KCND3: variants seen among roughly 807,000 people sequenced by gnomAD.
The protein encoded by KCND3 is potassium voltage-gated channel subfamily D member 3.
A neutral mutation model predicts 51.1 loss-of-function variants in KCND3; 9 were observed. That is an observed-to-expected ratio of 0.18 (90% CI 0.11 to 0.31). KCND3 has a LOEUF of 0.31. KCND3 is among the 10% of genes least tolerant of loss of function. KCND3 has a pLI of 1.00. For synonymous variants in KCND3, 349 were observed against 368.0 expected (o/e 0.95, Z 0.59); for missense variants, 526 against 903.8 (o/e 0.58, Z 5.36).
At chr1:111,975,320 T>C (rs1270316489) in intron 2 of KCND3, among the ~76,000 whole-genome samples, 1 of 152,182 alleles carries the variant, frequency 6.6e-6, no homozygotes, top group Non-Finnish European at 1.5e-5. Context: ...TTGAGGTTTC[T>C]TCTTGTGAAA....
At chr1:111,864,435 ACT>A (rs1320358583) in intron 2 of KCND3, among the ~76,000 whole-genome samples, 1 of 151,864 alleles carries the variant, frequency 6.6e-6, no homozygotes, top group Non-Finnish European at 1.5e-5. Flanking sequence ...TTTCTCGCTC[ACT>A]CTCTCTTTTT....
At chr1:111,838,790 A>C (rs1478459668) in intron 2 of KCND3, among the ~76,000 whole-genome samples, 1 of 151,856 alleles carries the variant, frequency 6.6e-6, no homozygotes, top group East Asian at 1.9e-4. Flanking sequence ...GACACTTGGG[A>C]AAAAGGGCTG....
intron 2 of KCND3, among the ~76,000 whole-genome samples, chr1:111,934,604 G>A (rs1483839149): frequency 6.6e-6 from 1 of 152,212 alleles, no homozygotes. Flanking sequence ...AGAAAAAGGA[G>A]TGTAAATCTG....
intron 2 of KCND3, among the ~76,000 whole-genome samples, chr1:111,792,870 C>A (rs984683177): frequency 6.7e-6 from 1 of 148,982 alleles, no homozygotes; most frequent in African/African-American, 2.4e-5. Context: ...CTCACTTCTA[C>A]TTTTGTTCCC....
At chr1:111,827,132 G>A (rs1666614204) in intron 2 of KCND3, among the ~76,000 whole-genome samples, 1 of 152,198 alleles carries the variant, frequency 6.6e-6, no homozygotes, top group Non-Finnish European at 1.5e-5. Flanking sequence ...CCAGTTTTTG[G>A]ATGGGAAAAC....
At chr1:111,987,528 G>A (rs74112412) in intron 1 of KCND3, among the ~76,000 whole-genome samples, 5 of 152,132 alleles carry the variant, frequency 3.3e-5, no homozygotes, top group Non-Finnish European at 5.9e-5. Flanking sequence ...GGTGAAAGGG[G>A]AGGACAAGTG....
intron 2 of KCND3, among the ~76,000 whole-genome samples, chr1:111,917,686 G>A (rs551807751): frequency 1.1e-4 from 16 of 152,240 alleles, no homozygotes; most frequent in Middle Eastern, 3.4e-3. Context: ...TTTAATGACC[G>A]TGGGAAGGGA....
intron 2 of KCND3, among the ~76,000 whole-genome samples, chr1:111,806,285 C>T (rs368795110): frequency 3.3e-5 from 5 of 152,350 alleles, no homozygotes; most frequent in Admixed American, 1.3e-4. Context: ...CCTGTTGATG[C>T]GGAAGCCCTG....
rs1664103970 is a variant in KCND3, at chr1:111,776,240, C to T, written c.1805G>A (p.Arg602Lys). ...SLNLKADDGLRPNCKTSQITT... is the reference protein window; with the variant it reads ...SLNLKADDGLKPNCKTSQITT... ...GATCTGGGATGTTTTGCAGTTTGGTCTCAGTCCGTCGTCTGCTTTCAAATT... is the reference window on the plus strand; with the variant it reads ...GATCTGGGATGTTTTGCAGTTTGGTTTCAGTCCGTCGTCTGCTTTCAAATT... The change falls in exon 8 of 8, where the codon AGA (arginine) becomes AAA (lysine). Residue 602 changes from arginine (R) to lysine (K), a missense_variant. By Grantham distance (26) the Arg-to-Lys change is conservative (BLOSUM62 2). Coordinates refer to ENST00000302127, the MANE Select transcript of KCND3 (RefSeq NM_001378969.1). The T allele has an allele frequency of 5.6e-6, 9 of 1,614,010 alleles. No homozygotes were observed. The highest frequency in any genetic ancestry group is 3.3e-5 in the South Asian group (3 of 91,092).
chr1:111,959,229 C>T (rs544973965), intron 2 of KCND3, among the ~76,000 whole-genome samples: 1 of 152,312 alleles, frequency 6.6e-6, no homozygotes, highest in Admixed American at 6.5e-5. Context: ...AGTGCTTTCC[C>T]ATGTTCACTC....
intron 2 of KCND3, among the ~76,000 whole-genome samples, chr1:111,904,006 G>T (rs1383818243): frequency 6.6e-6 from 1 of 152,128 alleles, no homozygotes; most frequent in African/African-American, 2.4e-5. Flanking sequence ...CAATTACCTG[G>T]TGAATTCAGG....
At chr1:111,826,427 A>T (rs1666573964) in intron 2 of KCND3, among the ~76,000 whole-genome samples, 1 of 152,112 alleles carries the variant, frequency 6.6e-6, no homozygotes, top group Non-Finnish European at 1.5e-5. Context: ...ATGGACCATA[A>T]AACCTTGACT....
chr1:111,935,365 G>A (rs1672168693), intron 2 of KCND3, among the ~76,000 whole-genome samples: 1 of 152,090 alleles, frequency 6.6e-6, no homozygotes, highest in Admixed American at 6.5e-5. Flanking sequence ...GATTATTTGT[G>A]CAACCACCTG....
chr1:111,906,611 C>A (rs542059039), intron 2 of KCND3, among the ~76,000 whole-genome samples: 5 of 152,302 alleles, frequency 3.3e-5, no homozygotes, highest in Admixed American at 1.3e-4. Flanking sequence ...CTAGGCTGGA[C>A]CTGGTTCTCT....
rs113735161 is a variant in KCND3 at position 111,790,661 on chromosome 1, C to T, written c.1107-3555G>A. On this transcript the variant is annotated intron_variant, in intron 2 of 7. Transcript: ENST00000302127. ...ATTTAGAGAGTTGCGCTCACATCACCGCAGTTTAATTTTAGAGCACTTCAT... is the reference window on the plus strand; with the variant it reads ...ATTTAGAGAGTTGCGCTCACATCACTGCAGTTTAATTTTAGAGCACTTCAT... Among the ~76,000 whole-genome samples, 964 of 152,232 alleles carry T rather than the reference C, an allele frequency of 6.3e-3. 12 individuals carry two copies. Among genetic ancestry groups the T allele is most frequent in the African/African-American group, 0.022 (923 of 41,528 alleles).
At chr1:111,875,826 C>G (rs972671548) in intron 2 of KCND3, among the ~76,000 whole-genome samples, 2 of 152,224 alleles carry the variant, frequency 1.3e-5, no homozygotes, top group African/African-American at 4.8e-5. Flanking sequence ...ACTTAGCAAC[C>G]ACCAGGATGG....
At chr1:111,897,897 A>G (rs2101781801) in intron 2 of KCND3, among the ~76,000 whole-genome samples, 1 of 152,336 alleles carries the variant, frequency 6.6e-6, no homozygotes, top group South Asian at 2.1e-4. Context: ...TTTATTTCCA[A>G]ATATGCCTTA....
intron 2 of KCND3, among the ~76,000 whole-genome samples, chr1:111,926,342 A>G (rs969562441): frequency 6.6e-6 from 1 of 152,232 alleles, no homozygotes; most frequent in Non-Finnish European, 1.5e-5. Context: ...ACACTTCAGC[A>G]TTTCTATACA....
At chr1:111,807,269 G>C (rs749090802) in intron 2 of KCND3, among the ~76,000 whole-genome samples, 2 of 152,202 alleles carry the variant, frequency 1.3e-5, no homozygotes, top group Non-Finnish European at 2.9e-5. Flanking sequence ...CATATATGAT[G>C]GCAGTCCTAT....
Sources: gnomAD v4.1 joint callset for allele counts (sites outside exome capture counted in the v4.1 genomes callset) on GRCh38, gnomAD v4.1.1 for gene constraint, MANE v1.5 for transcripts, NCBI Gene and HGNC (gene_info 2026-07-23, HGNC 2026-07-21) for gene names.